The following GRM1 variants were observed in gnomAD, a reference collection of about 807,000 sequenced individuals.
The protein encoded by GRM1 is glutamate metabotropic receptor 1, also known as metabotropic glutamate receptor 1.
Under a neutral mutation model 90.9 loss-of-function variants are expected in GRM1, and 33 were observed. The observed-to-expected ratio is 0.36, with a 90% confidence interval of 0.28 to 0.49. The LOEUF (loss-of-function observed/expected upper bound fraction) is 0.49. Among genes scored for constraint, GRM1 ranks in the 20% least tolerant of loss-of-function variants. The pLI, the probability that GRM1 is intolerant of heterozygous loss-of-function variation, is 0.99. For missense variants in GRM1, 1,190 were observed against 1,534.3 expected (o/e 0.78, Z 3.75); for synonymous variants, 700 against 613.2 (o/e 1.14, Z -2.09).
At chr6:146,113,614 A>T (rs1775640770) in intron 1 of GRM1, among the ~76,000 whole-genome samples, 1 of 152,134 alleles carries the variant, frequency 6.6e-6, no homozygotes, top group Non-Finnish European at 1.5e-5. Context: ...CGTTTTTTGA[A>T]GCCCTTTACT....
intron 2 of GRM1, among the ~76,000 whole-genome samples, chr6:146,219,115 G>C (rs1779971148): frequency 6.6e-6 from 1 of 152,138 alleles, no homozygotes; most frequent in Non-Finnish European, 1.5e-5. Context: ...TTCTCATTTA[G>C]AGTTTGAAAT....
intron 2 of GRM1, among the ~76,000 whole-genome samples, chr6:146,268,613 T>G (rs1782005633): frequency 1.3e-5 from 2 of 152,182 alleles, no homozygotes; most frequent in South Asian, 4.1e-4. Context: ...AAATACTCTA[T>G]TAAAATCATC....
At chr6:146,390,635 T>C (rs568645323) in intron 6 of GRM1, among the ~76,000 whole-genome samples, 2 of 152,078 alleles carry the variant, frequency 1.3e-5, no homozygotes, top group South Asian at 4.1e-4. Flanking sequence ...TTTTAACAAC[T>C]TTTTTTCCAT....
intron 1 of GRM1, among the ~76,000 whole-genome samples, chr6:146,036,698 A>G (rs1461643972): frequency 2.6e-5 from 4 of 151,894 alleles, no homozygotes; most frequent in Non-Finnish European, 5.9e-5. Context: ...TATTTTATTT[A>G]TTTCATAGCC....
chr6:146,292,044 C>A (rs1783005087), intron 2 of GRM1, among the ~76,000 whole-genome samples: 1 of 151,968 alleles, frequency 6.6e-6, no homozygotes, highest in Admixed American at 6.6e-5. Flanking sequence ...AAGCCAAGAT[C>A]ATTCCATGGG....
In GRM1 at chr6:146,434,079, C is replaced by G; in HGVS notation, c.2868C>G (p.Asn956Lys). ...FSDTSTKTLY[N>K]VEEEEDAQPI... is the part of the protein sequence containing the mutation. The stretch of plus-strand genomic sequence containing the variant: ...ATACCAGCACCAAGACCCTTTACAA[C>G]GTAGAGGAGGAGGAGGATGCCCAGC... Residue 956 changes from asparagine to lysine, a missense_variant, in exon 8 of 8, where the codon AAC (asparagine) becomes AAG (lysine). Transcript: ENST00000282753. 3 of 1,613,852 alleles carry G rather than the reference C, an allele frequency of 1.9e-6. No homozygotes were observed. The highest frequency in any genetic ancestry group is 1.7e-6 in the Non-Finnish European group (2 of 1,179,702).
At chr6:146,349,489 C>T (rs1455079989) in intron 3 of GRM1, among the ~76,000 whole-genome samples, 1 of 152,140 alleles carries the variant, frequency 6.6e-6, no homozygotes, top group African/African-American at 2.4e-5. Flanking sequence ...ACTCAATGCT[C>T]CTCTTTTTAG....
chr6:146,344,873 A>G (rs760438559), intron 3 of GRM1, among the ~76,000 whole-genome samples: 18 of 151,818 alleles, frequency 1.2e-4, no homozygotes, highest in Non-Finnish European at 4.4e-5. Context: ...GTGCAATGGC[A>G]TGATCTCGGC....
At chr6:146,307,013 T>G (rs1479839059) in intron 3 of GRM1, among the ~76,000 whole-genome samples, 2 of 152,220 alleles carry the variant, frequency 1.3e-5, no homozygotes, top group African/African-American at 2.4e-5. Context: ...AGGATACTAC[T>G]TATGCTTAGA....
intron 3 of GRM1, among the ~76,000 whole-genome samples, chr6:146,339,200 A>C (rs188790345): frequency 6.6e-6 from 1 of 152,292 alleles, no homozygotes. Flanking sequence ...GCAAGTAAAA[A>C]TTCCTATTAT....
chr6:146,326,908 T>C (rs1784418781), intron 3 of GRM1, among the ~76,000 whole-genome samples: 1 of 152,198 alleles, frequency 6.6e-6, no homozygotes, highest in South Asian at 2.1e-4. Flanking sequence ...TTAGCTGTGG[T>C]ATAATATAAG....
At chr6:146,384,062 G>C (rs1776411079) in intron 5 of GRM1, among the ~76,000 whole-genome samples, 2 of 152,118 alleles carry the variant, frequency 1.3e-5, no homozygotes, top group Non-Finnish European at 2.9e-5. Flanking sequence ...GTTCATTTGA[G>C]AGAGAAAACA....
Position 146,113,887 on chromosome 6 carries a change from C to G in GRM1, c.701-45461C>G, listed in dbSNP as rs1245509036. On this transcript the variant is annotated intron_variant, in intron 1 of 7. Coordinates refer to ENST00000282753, the MANE Select transcript of GRM1 (RefSeq NM_001278064.2). ...TTTGGGGAGAGGTTCTTTGGGCCAC[C>G]GGTCCTCAATCCTTGCTTAATTCTT... is the stretch of plus-strand genomic sequence containing the variant. 3.3e-5 allele frequency among the ~76,000 whole-genome samples: 5 copies of G among 152,212 alleles called. No individual in the cohort carries two copies. The South Asian group carries it at 1.0e-3, about 32-fold the overall frequency.
intron 1 of GRM1, among the ~76,000 whole-genome samples, chr6:146,061,964 A>T (rs1034261956): frequency 6.6e-6 from 1 of 152,096 alleles, no homozygotes; most frequent in African/African-American, 2.4e-5. Context: ...AGAACCAGAA[A>T]TACTATTTGA....
intron 2 of GRM1, among the ~76,000 whole-genome samples, chr6:146,204,933 G>A (rs937283510): frequency 6.6e-6 from 1 of 152,188 alleles, no homozygotes; most frequent in African/African-American, 2.4e-5. Context: ...CATTCTATGA[G>A]GACATGGGCT....
Position 146,159,561 on chromosome 6 carries a change from G to A in GRM1, c.914G>A (p.Arg305His). The change falls in exon 2 of 8, where the codon CGC (arginine) becomes CAC (histidine). Residue 305 changes from arginine to histidine, a missense_variant. Around this residue, in one of 10 missense-constraint regions of GRM1, gnomAD observed 414 missense variants for 598.4 expected, o/e 0.69. Transcript: ENST00000282753. Reference sequence around the variant, plus strand: ...CGAGGACTCCTGAGCGCCATGCGGCGCCTTGGCGTCGTGGGCGAGTTCTCA... The same window carrying A: ...CGAGGACTCCTGAGCGCCATGCGGCACCTTGGCGTCGTGGGCGAGTTCTCA... ...TVRGLLSAMR[R>H]LGVVGEFSLI... 1 of 1,613,926 alleles carries A rather than the reference G, an allele frequency of 6.2e-7. No individual in the cohort carries two copies. Among genetic ancestry groups the A allele is most frequent in the Non-Finnish European group, 8.5e-7 (1 of 1,180,016 alleles).
At chr6:146,049,350 A>G (rs558096761) in intron 1 of GRM1, among the ~76,000 whole-genome samples, 1 of 152,094 alleles carries the variant, frequency 6.6e-6, no homozygotes, top group Admixed American at 6.6e-5. Flanking sequence ...ATAATGAAAT[A>G]AGCTAAGGAC....
chr6:146,132,612 C>T (rs760964173), intron 1 of GRM1, among the ~76,000 whole-genome samples: 1 of 152,128 alleles, frequency 6.6e-6, no homozygotes, highest in Non-Finnish European at 1.5e-5. Flanking sequence ...CTGTAATTTA[C>T]TCCTATTTTA....
chr6:146,309,013 A>G (rs992134611), intron 3 of GRM1, among the ~76,000 whole-genome samples: 3 of 152,126 alleles, frequency 2.0e-5, no homozygotes, highest in Non-Finnish European at 4.4e-5. Flanking sequence ...TAATAAAAAA[A>G]TTTTCATTCT....
Sources: gnomAD v4.1 joint callset for allele counts (sites outside exome capture counted in the v4.1 genomes callset) on GRCh38, gnomAD v4.1.1 for gene constraint, gnomAD v4.1.1 regional missense constraint, MANE v1.5 for transcripts, NCBI Gene and HGNC (gene_info 2026-07-23, HGNC 2026-07-21) for gene names.